Variants in CPA6 observed in about 807,000 individuals in gnomAD.
CPA6 encodes the protein carboxypeptidase A6.
Under a neutral mutation model 63.3 loss-of-function variants are expected in CPA6, and 58 were observed. The ratio of observed to expected loss-of-function variants is 0.92; its 90% CI spans 0.74 to 1.14. The LOEUF is 1.14. Ranked by LOEUF, CPA6 falls within the 50% of genes most tolerant of loss-of-function variation. The pLI, the probability that CPA6 is intolerant of heterozygous loss-of-function variation, is 0.00. For synonymous variants in CPA6, 185 were observed against 179.0 expected, an observed-to-expected ratio of 1.03 and a Z score of -0.27; for missense variants, 565 against 526.6, an observed-to-expected ratio of 1.07 and a Z score of -0.71.
intron 8 of CPA6, among the ~76,000 whole-genome samples, chr8:67,459,976 T>C (rs1005503991): frequency 2.1e-4 from 32 of 152,072 alleles, no homozygotes; most frequent in African/African-American, 7.5e-4. Flanking sequence ...TTAATTTTGC[T>C]GTGAACCAAA....
Position 67,648,972 on chromosome 8 carries a change from A to AT in CPA6, c.117-24722dup, listed in dbSNP as rs35455724. 9.5e-3 allele frequency among the ~76,000 whole-genome samples: 1,415 copies of AT among 148,666 alleles called. 14 individuals carry two copies. The highest frequency in any genetic ancestry group is 0.04 in the South Asian group (190 of 4,700). On this transcript the variant is annotated intron_variant, in intron 1 of 10. Coordinates refer to ENST00000297770, the MANE Select transcript of CPA6 (RefSeq NM_020361.5). Reference sequence around the variant, plus strand: ...GATTTTAGTTTGGTTTGGGGAGGGAATTTTTTTTTTAATGGTAAACACACA... The same window carrying AT: ...GATTTTAGTTTGGTTTGGGGAGGGAATTTTTTTTTTTAATGGTAAACACACA...
At chr8:67,475,355 G>C (rs1447510000) in intron 8 of CPA6, among the ~76,000 whole-genome samples, 1 of 152,206 alleles carries the variant, frequency 6.6e-6, no homozygotes, top group East Asian at 1.9e-4. Flanking sequence ...TAAAATGATA[G>C]CTGGGTTTTC....
intron 2 of CPA6, among the ~76,000 whole-genome samples, chr8:67,518,509 C>A (rs60491320): frequency 7.7e-6 from 1 of 129,882 alleles, no homozygotes; most frequent in African/African-American, 3.0e-5. Flanking sequence ...CTTTTCTTTT[C>A]TTTTTTTTTT....
intron 2 of CPA6, among the ~76,000 whole-genome samples, chr8:67,594,316 AT>A (rs1381576072): frequency 6.6e-6 from 1 of 151,550 alleles, no homozygotes; most frequent in Non-Finnish European, 1.5e-5. Flanking sequence ...TGCCCTTAAC[AT>A]TTTTTCCTTC....
intron 1 of CPA6, among the ~76,000 whole-genome samples, chr8:67,627,959 T>C (rs560808800): frequency 2.0e-5 from 3 of 152,184 alleles, no homozygotes; most frequent in Non-Finnish European, 4.4e-5. Context: ...GATCTCCAAC[T>C]CTATATTATG....
At chr8:67,672,518 G>A (rs757444258) in intron 1 of CPA6, among the ~76,000 whole-genome samples, 1 of 151,880 alleles carries the variant, frequency 6.6e-6, no homozygotes, top group Non-Finnish European at 1.5e-5. Context: ...ATCCATCATC[G>A]AGTCCTTTTA....
At chr8:67,520,999 C>T (rs1812247599) in intron 2 of CPA6, among the ~76,000 whole-genome samples, 1 of 152,206 alleles carries the variant, frequency 6.6e-6, no homozygotes, top group Admixed American at 6.5e-5. Flanking sequence ...AAGTTCCTAT[C>T]AATAGTTTCC....
At chr8:67,621,397 C>T (rs980573830) in intron 2 of CPA6, among the ~76,000 whole-genome samples, 1 of 152,148 alleles carries the variant, frequency 6.6e-6, no homozygotes, top group Admixed American at 6.5e-5. Context: ...ATAATGATCA[C>T]ATTCTGAGTC....
intron 1 of CPA6, among the ~76,000 whole-genome samples, chr8:67,686,728 C>A (rs1318408029): frequency 2.0e-5 from 3 of 152,160 alleles, no homozygotes; most frequent in African/African-American, 7.2e-5. Flanking sequence ...AGTTAACAAG[C>A]TGAGGTTGTT....
At position 67,551,131 on chromosome 8, in the gene CPA6, C is replaced by G. The variant is rs1323391918; in HGVS notation, c.193-33084G>C. 3.3e-5 allele frequency among the ~76,000 whole-genome samples: 5 copies of G among 151,966 alleles called. No homozygotes were observed. In the South Asian group the frequency reaches 1.0e-3, roughly 32 times the overall value. On this transcript the variant is annotated intron_variant, in intron 2 of 10. Transcript: ENST00000297770. Reference sequence around the variant, plus strand: ...AGGCTAATGTCTAGAATGGTGTTTCCTAGGTTTTCTTCTAGAATTCTTATA... The same window carrying G: ...AGGCTAATGTCTAGAATGGTGTTTCGTAGGTTTTCTTCTAGAATTCTTATA...
At chr8:67,657,769 C>A (rs117424573) in intron 1 of CPA6, among the ~76,000 whole-genome samples, 1 of 152,192 alleles carries the variant, frequency 6.6e-6, no homozygotes, top group Admixed American at 6.5e-5. Context: ...CCTCCCTCCA[C>A]GCAAGCTCTA....
chr8:67,535,861 C>G (rs533687363), intron 2 of CPA6, among the ~76,000 whole-genome samples: 29 of 152,284 alleles, frequency 1.9e-4, no homozygotes, highest in African/African-American at 6.5e-4. Flanking sequence ...AATCTTTAAT[C>G]CATCCTGAGT....
intron 2 of CPA6, among the ~76,000 whole-genome samples, chr8:67,542,776 T>C (rs539356200): frequency 1.3e-5 from 2 of 152,320 alleles, no homozygotes; most frequent in Middle Eastern, 3.4e-3. Context: ...AGGCAGTTCT[T>C]GATCCCTATT....
chr8:67,577,320 T>C lies in CPA6; in HGVS notation c.192+46856A>G, dbSNP rs536030856. ...ATCAGTCTAAACAGATAAAACATTT[T>C]ACTTTTATATGTGAGCATGTGAACA... On this transcript the variant is annotated intron_variant, in intron 2 of 10. Coordinates refer to ENST00000297770, the MANE Select transcript of CPA6 (RefSeq NM_020361.5). Among the ~76,000 whole-genome samples, 5 of 152,324 alleles carry C rather than the reference T, an allele frequency of 3.3e-5. No homozygotes were observed. The East Asian group carries it at 9.6e-4, about 29-fold the overall frequency.
intron 1 of CPA6, among the ~76,000 whole-genome samples, chr8:67,679,353 A>G (rs1202242727): frequency 6.6e-6 from 1 of 152,234 alleles, no homozygotes; most frequent in African/African-American, 2.4e-5. Context: ...CAGATAAAAC[A>G]TATGCTTTTG....
chr8:67,454,651 T>A (rs1810629703), intron 8 of CPA6, among the ~76,000 whole-genome samples: 1 of 152,228 alleles, frequency 6.6e-6, no homozygotes, highest in Admixed American at 6.5e-5. Context: ...GACAAAATTC[T>A]CTTTCTCATC....
chr8:67,716,245 T>G (rs1453796511), intron 1 of CPA6, among the ~76,000 whole-genome samples: 1 of 148,828 alleles, frequency 6.7e-6, no homozygotes, highest in Admixed American at 6.7e-5. Flanking sequence ...CTGGGTAAAA[T>G]GAGTCTGAGA....
intron 1 of CPA6, among the ~76,000 whole-genome samples, chr8:67,660,822 G>T (rs1038164574): frequency 2.0e-4 from 30 of 152,192 alleles, no homozygotes; most frequent in Non-Finnish European, 3.4e-4. Context: ...GGTTTATTTT[G>T]TTATAGTTCA....
chr8:67,681,195 A>ATTTTTTTTTTTTTTTTTT (rs1554533441), intron 1 of CPA6, among the ~76,000 whole-genome samples: 64 of 97,070 alleles, frequency 6.6e-4, no homozygotes, highest in African/African-American at 9.5e-4. Flanking sequence ...GGTCACAAAG[A>ATTTTTTTTTTTTTTTTTT]TTTTCTTTTT....
Sources: gnomAD v4.1 joint callset for allele counts (sites outside exome capture counted in the v4.1 genomes callset) on GRCh38, gnomAD v4.1.1 for gene constraint, MANE v1.5 for transcripts, NCBI Gene and HGNC (gene_info 2026-07-23, HGNC 2026-07-21) for gene names.